The following SNAP91 variants were observed in gnomAD, a reference collection of about 807,000 sequenced individuals.
SNAP91 encodes the protein clathrin coat assembly protein AP180.
In SNAP91, 27 loss-of-function variants were observed where a neutral mutation model predicts 100.3. That is an observed-to-expected ratio of 0.27 (90% CI 0.20 to 0.37). The LOEUF (loss-of-function observed/expected upper bound fraction) is 0.37, where lower values mean the gene tolerates loss of function less well. SNAP91 is among the 10% of genes least tolerant of loss of function. The pLI is 1.00. For synonymous variants in SNAP91, 404 were observed against 398.6 expected (o/e 1.01, Z -0.16); for missense variants, 986 against 1,123.7 (o/e 0.88, Z 1.75).
intron 6 of SNAP91, among the ~76,000 whole-genome samples, 197 bp downstream of exon 6, chr6:83,658,802 A>G (rs913287208): frequency 1.3e-5 from 2 of 152,182 alleles, no homozygotes; most frequent in African/African-American, 2.4e-5. Flanking sequence ...TGACTTATGT[A>G]AACACCTGGT....
intron 2 of SNAP91, among the ~76,000 whole-genome samples, chr6:83,671,392 T>C (rs970596851): frequency 2.0e-5 from 3 of 152,132 alleles, no homozygotes; most frequent in African/African-American, 7.2e-5. Context: ...TTCTTTTTGG[T>C]AGAATCCATC....
intron 16 of SNAP91, among the ~76,000 whole-genome samples, chr6:83,599,135 C>T (rs1367521755): frequency 6.6e-6 from 1 of 152,110 alleles, no homozygotes; most frequent in Non-Finnish European, 1.5e-5. Context: ...ATTTTCTAAA[C>T]ATACAGATTT....
At chr6:83,688,694 G>A (rs140100448) in intron 2 of SNAP91, among the ~76,000 whole-genome samples, 17 of 151,882 alleles carry the variant, frequency 1.1e-4, no homozygotes, top group African/African-American at 3.9e-4. Context: ...TGGTAGAGAC[G>A]GGGTTTCACC....
At chr6:83,565,222 T>C (rs1383363291) in intron 26 of SNAP91, among the ~76,000 whole-genome samples, 1 of 151,820 alleles carries the variant, frequency 6.6e-6, no homozygotes, top group Non-Finnish European at 1.5e-5. Flanking sequence ...ATTTGGAACA[T>C]AAATTTACAG....
At chr6:83,698,326 CAAAA>C (rs34370410) in intron 2 of SNAP91, among the ~76,000 whole-genome samples, 8 of 108,160 alleles carry the variant, frequency 7.4e-5, no homozygotes, top group Non-Finnish European at 5.9e-5. Flanking sequence ...TCTCCAAGGC[CAAAA>C]AAAAAAAAAA....
intron 26 of SNAP91, among the ~76,000 whole-genome samples, chr6:83,565,189 G>A (rs1794851352): frequency 1.3e-5 from 2 of 151,800 alleles, no homozygotes; most frequent in African/African-American, 4.8e-5. Context: ...AGCCTTTTCA[G>A]GCTTCAGTAC....
intron 6 of SNAP91, among the ~76,000 whole-genome samples, chr6:83,658,715 T>A (rs577164264): frequency 7.5e-4 from 114 of 152,234 alleles, no homozygotes; most frequent in Non-Finnish European, 1.4e-3. Flanking sequence ...AGATACTTCA[T>A]CCTGTCAAGT....
chr6:83,706,195 A>G (rs1412496998), intron 2 of SNAP91, among the ~76,000 whole-genome samples: 1 of 152,242 alleles, frequency 6.6e-6, no homozygotes, highest in Non-Finnish European at 1.5e-5. Context: ...CTGATTTATC[A>G]TTTTAATTAT....
intron 2 of SNAP91, among the ~76,000 whole-genome samples, chr6:83,667,914 T>C (rs572817493): frequency 1.3e-5 from 2 of 151,702 alleles, no homozygotes; most frequent in Admixed American, 6.6e-5. Flanking sequence ...TGGGAGAAAA[T>C]TTTTGCAATC....
intron 21 of SNAP91, among the ~76,000 whole-genome samples, chr6:83,591,780 T>C (rs1031740557): frequency 6.6e-6 from 1 of 152,188 alleles, no homozygotes; most frequent in African/African-American, 2.4e-5. Flanking sequence ...ATCTTTGTAT[T>C]CCTCATGTAC....
In SNAP91 at chr6:83,665,946, G is replaced by A. The variant is rs143285207; in HGVS notation, c.131-365C>T. Among the ~76,000 whole-genome samples, 203 of 151,998 alleles carry A rather than the reference G, an allele frequency of 1.3e-3. 1 individual carries two copies. Among genetic ancestry groups the A allele is most frequent in the Non-Finnish European group, 1.4e-3 (98 of 67,950 alleles). On this transcript the variant is annotated intron_variant, in intron 2 of 29. Transcript: ENST00000369694. ...CTATAAGCACAATGTCTCAAATGTG[G>A]GCACTTATTCTATATGCCATTTGAA...
chr6:83,665,602 A>C, intron 2 of SNAP91, 21 bp from the exon 3 acceptor site: 1 of 1,598,290 alleles, frequency 6.3e-7, no homozygotes, highest in Non-Finnish European at 8.5e-7. Context: ...AGAAGATATT[A>C]ATCAATGATA....
chr6:83,640,776 T>C (rs567707307), intron 8 of SNAP91, among the ~76,000 whole-genome samples: 1 of 152,158 alleles, frequency 6.6e-6, no homozygotes, highest in Admixed American at 6.6e-5. Flanking sequence ...AAGGATTTTC[T>C]AACAATTAAA....
rs1238164857 is a variant in SNAP91 at position 83,593,333 on chromosome 6, A to G, written c.1697-74T>C. 4.6e-6 allele frequency: 7 copies of G among 1,522,798 alleles called. No individual in the cohort carries two copies. In the Admixed American group the frequency reaches 1.4e-4, roughly 30 times the overall value. 94.3% of individuals were successfully genotyped at this position (1,522,798 alleles called of 1,614,324 possible). ...GACACAGCATCACTTCCCAGTCCTT[A>G]ATTAGCACTTTGAAGAACTCTGAAT... On this transcript the variant is annotated intron_variant, in intron 18 of 29. Coordinates refer to ENST00000369694, the MANE Select transcript of SNAP91 (RefSeq NM_001242792.2).
chr6:83,576,047 C>A lies in SNAP91; in HGVS notation c.2306G>T (p.Gly769Val). 7.2e-7 allele frequency: 1 copy of A among 1,396,816 alleles called. No individual in the cohort carries two copies. The highest frequency in any genetic ancestry group is 9.8e-7 in the Non-Finnish European group (1 of 1,020,916). 86.5% of individuals were successfully genotyped at this position (1,396,816 alleles called of 1,614,324 possible). Residue 769 changes from glycine to valine, a missense_variant, in exon 25 of 30, where the codon GGA becomes GTA. Transcript: ENST00000369694. ...CTTTTTTGTTGTGGTACCAGAAATTCCAAGATCTATAAATGGATAAAAGAA... is the reference window on the plus strand; with the variant it reads ...CTTTTTTGTTGTGGTACCAGAAATTACAAGATCTATAAATGGATAAAAGAA... ...SSLASLVGNL[G>V]ISGTTTKKGD... is the part of the protein sequence containing the mutation.
chr6:83,703,967 A>T (rs2099349690), intron 2 of SNAP91, among the ~76,000 whole-genome samples: 1 of 152,178 alleles, frequency 6.6e-6, no homozygotes. Context: ...GGGCTGCAAA[A>T]CTTTCCAATT....
At chr6:83,680,917 T>C (rs190478589) in intron 2 of SNAP91, among the ~76,000 whole-genome samples, 1 of 152,128 alleles carries the variant, frequency 6.6e-6, no homozygotes, top group Non-Finnish European at 1.5e-5. Context: ...CCGGGGAAAC[T>C]GTCCCAGCTT....
At chr6:83,563,983 T>C (rs1301973958) in intron 26 of SNAP91, among the ~76,000 whole-genome samples, 1 of 152,170 alleles carries the variant, frequency 6.6e-6, no homozygotes, top group Non-Finnish European at 1.5e-5. Context: ...CACTTTTTTT[T>C]GGAGAAATGG....
intron 9 of SNAP91, among the ~76,000 whole-genome samples, chr6:83,619,059 C>T (rs533992195): frequency 1.3e-5 from 2 of 151,678 alleles, no homozygotes; most frequent in East Asian, 3.9e-4. Context: ...CCATTTTATT[C>T]GTTTTGTAAA....
Sources: gnomAD v4.1 joint callset for allele counts (sites outside exome capture counted in the v4.1 genomes callset) on GRCh38, gnomAD v4.1.1 for gene constraint, MANE v1.5 for transcripts, NCBI Gene and HGNC (gene_info 2026-07-23, HGNC 2026-07-21) for gene names.